DNAH8: variants seen among roughly 807,000 people sequenced by gnomAD.
The protein encoded by DNAH8 is dynein axonemal heavy chain 8, also known as axonemal beta dynein heavy chain 8.
In DNAH8, 382 loss-of-function variants were observed where a neutral mutation model predicts 562.1. The observed-to-expected ratio is 0.68, with a 90% CI of 0.63 to 0.74. The LOEUF is 0.74. Among genes scored for constraint, DNAH8 ranks in the 30% least tolerant of loss-of-function variants. The pLI, the probability that DNAH8 is intolerant of heterozygous loss-of-function variation, is 0.00. For synonymous variants in DNAH8, 1,881 were observed against 1,919.4 expected, an observed-to-expected ratio of 0.98 and a Z score of 0.52; for missense variants, 5,203 against 5,620.4, an observed-to-expected ratio of 0.93 and a Z score of 2.37.
At chr6:38,940,593 G>A (rs1424134347) in intron 79 of DNAH8, among the ~76,000 whole-genome samples, 2 of 152,208 alleles carry the variant, frequency 1.3e-5, no homozygotes, top group Non-Finnish European at 2.9e-5. Flanking sequence ...TACTATGGCA[G>A]AGGGGCAAGG....
At chr6:38,759,426 T>C (rs971199754) in intron 10 of DNAH8, among the ~76,000 whole-genome samples, 1 of 152,176 alleles carries the variant, frequency 6.6e-6, no homozygotes, top group Non-Finnish European at 1.5e-5. Context: ...CATAGTCACA[T>C]TTTAAGTTTT....
chr6:38,986,559 T>G (rs901070030), intron 87 of DNAH8, among the ~76,000 whole-genome samples: 3 of 149,738 alleles, frequency 2.0e-5, no homozygotes, highest in African/African-American at 7.3e-5. Flanking sequence ...ACCTCTGTAT[T>G]TGAGATTCAA....
In DNAH8 at chr6:38,909,705, A is replaced by G; in HGVS notation, c.9701A>G (p.His3234Arg). 6.2e-7 allele frequency: 1 copy of G among 1,614,138 alleles called. No homozygotes were observed. The highest frequency in any genetic ancestry group is 8.5e-7 in the Non-Finnish European group (1 of 1,179,982). The change falls in exon 65 of 93, where the codon CAT (histidine) becomes CGT (arginine). Residue 3234 changes from histidine (H) to arginine (R), a missense_variant. Coordinates refer to ENST00000327475, the MANE Select transcript of DNAH8 (RefSeq NM_001206927.2). ...GTTGTAGAAACAATGGGCCTGTTTC[A>G]TGACATGGTTTCAGAGAGCTGTGAA... Reference protein sequence around the residue: ...RQVVETMGLFHDMVSESCESY... With the variant: ...RQVVETMGLFRDMVSESCESY...
At chr6:38,889,568 AC>A (rs1779194577) in intron 57 of DNAH8, among the ~76,000 whole-genome samples, 1 of 152,240 alleles carries the variant, frequency 6.6e-6, no homozygotes, top group East Asian at 1.9e-4. Context: ...TTAAACAAAT[AC>A]GGAAAACAAA....
Position 38,984,651 on chromosome 6 carries a change from C to T in DNAH8, c.13053+344C>T, listed in dbSNP as rs1372703854. On this transcript the variant is annotated intron_variant, in intron 87 of 92. Coordinates refer to ENST00000327475, the MANE Select transcript of DNAH8 (RefSeq NM_001206927.2). Reference sequence around the variant, plus strand: ...ACTAAAAATACAAAAAGTAGCCGGGCGTGGTGGTGAGTTCCTGTAGTCCCA... The same window carrying T: ...ACTAAAAATACAAAAAGTAGCCGGGTGTGGTGGTGAGTTCCTGTAGTCCCA... Among the ~76,000 whole-genome samples, 11 of 152,038 alleles carry T rather than the reference C, an allele frequency of 7.2e-5. 1 individual carries two copies. The East Asian group carries it at 2.1e-3, about 29-fold the overall frequency.
At chr6:39,028,030 C>G (rs572301429) in intron 92 of DNAH8, among the ~76,000 whole-genome samples, 1 of 152,100 alleles carries the variant, frequency 6.6e-6, no homozygotes, top group Admixed American at 6.5e-5. Flanking sequence ...CACCTTATAA[C>G]GAGGGCCACG....
intron 53 of DNAH8, among the ~76,000 whole-genome samples, chr6:38,876,265 C>T (rs1777989800): frequency 6.6e-6 from 1 of 152,188 alleles, no homozygotes; most frequent in African/African-American, 2.4e-5. Flanking sequence ...AGCGCTGTCA[C>T]CTTAGCCCCC....
intron 82 of DNAH8, among the ~76,000 whole-genome samples, chr6:38,969,724 G>T (rs986346141): frequency 6.7e-6 from 1 of 149,630 alleles, no homozygotes; most frequent in Non-Finnish European, 1.5e-5. Flanking sequence ...GGAGTGGGGG[G>T]TGGTGTGTGG....
chr6:38,960,867 GGT>G (rs1458865704), intron 82 of DNAH8, among the ~76,000 whole-genome samples: 2 of 151,714 alleles, frequency 1.3e-5, no homozygotes, highest in Non-Finnish European at 3.0e-5. Context: ...ATATTGTAGA[GGT>G]ATCTATCTGT....
intron 92 of DNAH8, among the ~76,000 whole-genome samples, chr6:39,028,374 C>G (rs749462380): frequency 4.6e-5 from 7 of 152,192 alleles, no homozygotes; most frequent in Non-Finnish European, 1.0e-4. Flanking sequence ...ACTGGAGGCC[C>G]CAAGGGAAAA....
chr6:38,862,729 G>A (rs2150411027), intron 44 of DNAH8, among the ~76,000 whole-genome samples: 1 of 152,256 alleles, frequency 6.6e-6, no homozygotes, highest in South Asian at 2.1e-4. Flanking sequence ...TGAAATAATA[G>A]TAGAGAGGAT....
At chr6:38,747,355 A>G (rs1379189925) in intron 8 of DNAH8, among the ~76,000 whole-genome samples, 5 of 148,556 alleles carry the variant, frequency 3.4e-5, no homozygotes. Flanking sequence ...TTTTCTGGGC[A>G]CTGTTTGTCA....
At chr6:38,719,336 T>G (rs1762574339) in intron 1 of DNAH8, among the ~76,000 whole-genome samples, 1 of 152,198 alleles carries the variant, frequency 6.6e-6, no homozygotes, top group Admixed American at 6.5e-5. Flanking sequence ...GTCACCCAGA[T>G]AGTGAGCATA....
chr6:38,770,607 G>C (rs1223970381), intron 12 of DNAH8, 48 bp downstream of exon 12: 1 of 1,494,190 alleles, frequency 6.7e-7, no homozygotes, highest in African/African-American at 1.4e-5. Context: ...ACACCTTTTT[G>C]GTGATTTTGT....
At chr6:39,007,495 A>T (rs9470961) in intron 88 of DNAH8, among the ~76,000 whole-genome samples, 9,606 of 152,294 alleles carry the variant, frequency 0.063, 409 homozygotes, top group Non-Finnish European at 0.086. Flanking sequence ...AAATTATGTG[A>T]AGTGTATAGA....
chr6:38,811,236 G>A (rs1407116558), intron 24 of DNAH8, among the ~76,000 whole-genome samples: 2 of 152,156 alleles, frequency 1.3e-5, no homozygotes, highest in African/African-American at 4.8e-5. Flanking sequence ...TTAATTGAAT[G>A]TTGGGTAGAA....
In DNAH8 at chr6:38,752,181, C is replaced by T. The variant is rs146601417; in HGVS notation, c.1407+1592C>T. 9.0e-4 allele frequency among the ~76,000 whole-genome samples: 136 copies of T among 151,256 alleles called. 1 individual carries two copies. Among genetic ancestry groups the T allele is most frequent in the Non-Finnish European group, 1.0e-4 (7 of 67,970 alleles). ...CCTTCCTCCCCCCACCCCACCACCC[C>T]GGGATGGAGTCTCTCTCTGTCACCC... On this transcript the variant is annotated intron_variant, in intron 9 of 92. Transcript: ENST00000327475.
intron 71 of DNAH8, among the ~76,000 whole-genome samples, chr6:38,921,762 C>G (rs1400874471): frequency 6.6e-6 from 1 of 152,262 alleles, no homozygotes; most frequent in South Asian, 2.1e-4. Context: ...GGGGCTTTCA[C>G]GCGCGTCCAT....
chr6:38,991,471 G>A (rs1764782201), intron 88 of DNAH8, among the ~76,000 whole-genome samples: 1 of 152,220 alleles, frequency 6.6e-6, no homozygotes, highest in Non-Finnish European at 1.5e-5. Context: ...TGAAAGAGGA[G>A]CATAGGAAAG....
Sources: gnomAD v4.1 joint callset for allele counts (sites outside exome capture counted in the v4.1 genomes callset) on GRCh38, gnomAD v4.1.1 for gene constraint, MANE v1.5 for transcripts, NCBI Gene and HGNC (gene_info 2026-07-23, HGNC 2026-07-21) for gene names.